CDC123: variants seen among roughly 807,000 people sequenced by gnomAD.
CDC123 encodes cell division cycle 123.
CDC123 carries 37 observed loss-of-function variants against 54.4 expected under a neutral mutation model. The ratio of observed to expected loss-of-function variants is 0.68; its 90% CI spans 0.52 to 0.89. CDC123 has a LOEUF of 0.89. CDC123 is among the 40% of genes least tolerant of loss of function. CDC123 has a pLI of 0.00. For missense variants in CDC123, 361 were observed against 412.1 expected (o/e 0.88, Z 1.07); for synonymous variants, 144 against 136.8 (o/e 1.05, Z -0.37).
chr10:12,231,742 A>G (rs1835904845), intron 7 of CDC123, among the ~76,000 whole-genome samples: 2 of 152,180 alleles, frequency 1.3e-5, no homozygotes, highest in Non-Finnish European at 2.9e-5. Context: ...TAGTTTTGAA[A>G]GTATACACAC....
intron 5 of CDC123, among the ~76,000 whole-genome samples, 164 bp from the exon 6 acceptor site, chr10:12,217,197 T>C (rs556948991): frequency 6.6e-6 from 1 of 152,356 alleles, no homozygotes; most frequent in South Asian, 2.1e-4. Context: ...GTGACGCTTT[T>C]TGTTGTTAAG....
At chr10:12,227,328 C>G (rs1402831087) in intron 6 of CDC123, among the ~76,000 whole-genome samples, 1 of 151,908 alleles carries the variant, frequency 6.6e-6, no homozygotes, top group Non-Finnish European at 1.5e-5. Context: ...TTTTCTAAGA[C>G]CATAAAATAC....
chr10:12,248,858 C>T (rs1222773875), intron 11 of CDC123, among the ~76,000 whole-genome samples: 2 of 151,880 alleles, frequency 1.3e-5, no homozygotes, highest in Admixed American at 6.6e-5. Context: ...GCCTGTAATC[C>T]CAGCACTTTG....
At chr10:12,242,083 A>AC (rs35475841) in intron 10 of CDC123, among the ~76,000 whole-genome samples, 78,327 of 152,068 alleles carry the variant, frequency 0.52, 20,841 homozygotes, top group Middle Eastern at 0.63. Flanking sequence ...CTTGAGAGTT[A>AC]CATAGCTGGC....
intron 11 of CDC123, among the ~76,000 whole-genome samples, chr10:12,249,094 A>G (rs1342712339): frequency 6.7e-6 from 1 of 149,326 alleles, no homozygotes; most frequent in African/African-American, 2.5e-5. Flanking sequence ...GTGCCCCTGC[A>G]CTCCAGTCTG....
intron 2 of CDC123, among the ~76,000 whole-genome samples, chr10:12,206,376 C>T (rs950113828): frequency 1.3e-5 from 2 of 152,152 alleles, no homozygotes. Context: ...TAAAGAGAGA[C>T]GTAAGAGAGA....
At position 12,206,673 on chromosome 10, in the gene CDC123, A is replaced by G. The variant is rs537827386; in HGVS notation, c.147-3294A>G. On this transcript the variant is annotated intron_variant, in intron 2 of 12. Coordinates refer to ENST00000281141, the MANE Select transcript of CDC123 (RefSeq NM_006023.3). ...GTAAAAATACAAAAATTATCTGGGC[A>G]TGAGGTCAGATGCGGTGGCTTATGC... Among the ~76,000 whole-genome samples the G allele has an allele frequency of 2.0e-3, 309 of 152,232 alleles. 1 individual carries two copies. The highest frequency in any genetic ancestry group is 5.2e-3 in the Admixed American group (80 of 15,276).
At chr10:12,224,990 A>T (rs766112967) in intron 6 of CDC123, among the ~76,000 whole-genome samples, 3 of 152,104 alleles carry the variant, frequency 2.0e-5, no homozygotes, top group Non-Finnish European at 4.4e-5. Flanking sequence ...TTCCCCAAGA[A>T]TGGTGCAGAC....
At chr10:12,198,134 C>G (rs1835390889) in intron 1 of CDC123, among the ~76,000 whole-genome samples, 1 of 152,102 alleles carries the variant, frequency 6.6e-6, no homozygotes. Context: ...TTATGATTAC[C>G]TGAAACAAAT....
intron 6 of CDC123, 70 bp downstream of exon 6, chr10:12,217,537 CATTACTT>C (rs1400359237): frequency 6.7e-7 from 1 of 1,490,556 alleles, no homozygotes; most frequent in Non-Finnish European, 9.2e-7. Flanking sequence ...GATGAAATTC[CATTACTT>C]ATAGTACTAT....
chr10:12,206,633 G>A (rs936140588), intron 2 of CDC123, among the ~76,000 whole-genome samples: 1 of 152,144 alleles, frequency 6.6e-6, no homozygotes. Flanking sequence ...CCAACATGGC[G>A]AAACCCCATC....
In CDC123 at chr10:12,196,231, G is replaced by T. The variant is rs1208556032; in HGVS notation, c.-15G>T. On this transcript the variant is annotated 5_prime_UTR_variant, in exon 1 of 13. Coordinates refer to ENST00000281141, the MANE Select transcript of CDC123 (RefSeq NM_006023.3). ...AGGCAGGAGAGGGAAAGGCAGCAGC[G>T]GCGGCAGCTGGAGGATGAAGAAGGA... is the stretch of plus-strand genomic sequence containing the variant. 6.2e-7 allele frequency: 1 copy of T among 1,613,884 alleles called. No homozygotes were observed. The highest frequency in any genetic ancestry group is 1.7e-5 in the Admixed American group (1 of 60,012).
At chr10:12,226,618 G>A (rs556089629) in intron 6 of CDC123, among the ~76,000 whole-genome samples, 2 of 151,446 alleles carry the variant, frequency 1.3e-5, no homozygotes, top group South Asian at 4.2e-4. Context: ...CATCCCAGAC[G>A]GGGCGGCGGG....
chr10:12,217,542 C>T, intron 6 of CDC123, 75 bp downstream of exon 6: 1 of 1,437,018 alleles, frequency 7.0e-7, no homozygotes. Context: ...AATTCCATTA[C>T]TTATAGTACT....
At chr10:12,243,980 A>T (rs192246943) in intron 10 of CDC123, among the ~76,000 whole-genome samples, 1 of 152,292 alleles carries the variant, frequency 6.6e-6, no homozygotes, top group African/African-American at 2.4e-5. Flanking sequence ...AATGGAGGTG[A>T]GGAAACAACT....
At chr10:12,208,909 G>T (rs2031653382) in intron 2 of CDC123, among the ~76,000 whole-genome samples, 3 of 152,150 alleles carry the variant, frequency 2.0e-5, no homozygotes, top group African/African-American at 7.2e-5. Context: ...CTGTGGTTCA[G>T]TCTAGATGCA....
intron 6 of CDC123, among the ~76,000 whole-genome samples, chr10:12,218,386 T>G (rs1314012143): frequency 6.6e-6 from 1 of 151,646 alleles, no homozygotes; most frequent in Non-Finnish European, 1.5e-5. Flanking sequence ...ACTACAGGCA[T>G]GCACCACCAC....
At position 12,231,877 on chromosome 10, in the gene CDC123, GCT is replaced by G. The variant is rs144637909; in HGVS notation, c.489+884_489+885del. On this transcript the variant is annotated intron_variant, in intron 7 of 12. Transcript: ENST00000281141. Reference sequence around the variant, plus strand: ...TTTTTCTTTTTTGAGATACAGTTTTGCTCTGTTGCCCAGGCTGGAATGCAGTG... The same window carrying G: ...TTTTTCTTTTTTGAGATACAGTTTTGCTGTTGCCCAGGCTGGAATGCAGTG... 3.4e-3 allele frequency among the ~76,000 whole-genome samples: 516 copies of G among 151,560 alleles called. 4 individuals carry two copies. The South Asian group carries it at 0.036, about 11-fold the overall frequency.
chr10:12,222,109 A>G (rs1835744904), intron 6 of CDC123, among the ~76,000 whole-genome samples: 2 of 152,222 alleles, frequency 1.3e-5, no homozygotes, highest in African/African-American at 2.4e-5. Context: ...GAGTCAGCAC[A>G]TGCATCTCAA....
Sources: gnomAD v4.1 joint callset for allele counts (sites outside exome capture counted in the v4.1 genomes callset) on GRCh38, gnomAD v4.1.1 for gene constraint, MANE v1.5 for transcripts, NCBI Gene and HGNC (gene_info 2026-07-23, HGNC 2026-07-21) for gene names.